RAB8A: variants seen among roughly 807,000 people sequenced by gnomAD.
RAB8A encodes ras-related protein Rab-8A.
Under a neutral mutation model 29.2 loss-of-function variants are expected in RAB8A, and 5 were observed. The ratio of observed to expected loss-of-function variants is 0.17; its 90% CI spans 0.09 to 0.36. The LOEUF (loss-of-function observed/expected upper bound fraction) is 0.36. Among genes scored for constraint, RAB8A ranks in the 10% least tolerant of loss-of-function variants. The pLI is 1.00. For missense variants in RAB8A, 171 were observed against 272.2 expected, an observed-to-expected ratio of 0.63 and a Z score of 2.62; for synonymous variants, 108 against 99.9, an observed-to-expected ratio of 1.08 and a Z score of -0.49.
chr19:16,112,384 C>T (rs2090828518), intron 1 of RAB8A: 1 of 249,574 alleles, frequency 4.0e-6, no homozygotes, highest in African/African-American at 2.3e-5. Flanking sequence ...GAAACTGAGT[C>T]ATGGGGAATT....
At chr19:16,116,633 G>A (rs1016222367) in intron 1 of RAB8A, among the ~76,000 whole-genome samples, 30 of 152,124 alleles carry the variant, frequency 2.0e-4, no homozygotes, top group African/African-American at 7.0e-4. Flanking sequence ...TCAAGAGATC[G>A]AGAACAGCCT....
chr19:16,125,009 T>TAA lies in RAB8A; in HGVS notation c.247-461_247-460insAA. The TAA allele has an allele frequency of 1.1e-5, 2 of 179,680 alleles. No individual in the cohort carries two copies. The highest frequency in any genetic ancestry group is 2.4e-5 in the Non-Finnish European group (2 of 84,100). The allele number at this position is 179,680 out of a possible 1,614,324, so 11.1% of individuals were successfully genotyped here. A position where few individuals can be genotyped will look rare whatever the true frequency, so the allele number is the denominator to read the frequency against. The stretch of plus-strand genomic sequence containing the variant: ...GATGTCGGGTCAGGACTTCCTGGGC[T>TAA]CAGTTGTGCCTGGTAGGTGGCTCAG... On this transcript the variant is annotated intron_variant, in intron 3 of 7. Transcript: ENST00000300935. The surrounding 1 kb of genome is among the most constrained non-coding windows in gnomAD (Gnocchi z 5.0).
chr19:16,118,606 C>A (rs1246433701), intron 2 of RAB8A, among the ~76,000 whole-genome samples: 1 of 152,192 alleles, frequency 6.6e-6, no homozygotes, highest in Non-Finnish European at 1.5e-5. Context: ...GGAAGAGAGC[C>A]CTCTCAGTGC....
Position 16,125,346 on chromosome 19 carries a change from G to A in RAB8A, c.247-124G>A, listed in dbSNP as rs76512519. ...GGGCTCCACAGAGGTGGGGAGGGCG[G>A]CAGCTAATGGGCCTGGCTGTGCAGT... On this transcript the variant is annotated intron_variant, in intron 3 of 7. Transcript: ENST00000300935. The surrounding 1 kb of genome is among the most constrained non-coding windows in gnomAD (Gnocchi z 5.0). 3,776 of 781,666 alleles carry A rather than the reference G, an allele frequency of 4.8e-3. 110 individuals carry two copies. The African/African-American group carries it at 0.058, about 12-fold the overall frequency. 48.4% of individuals were successfully genotyped at this position (781,666 alleles called of 1,614,324 possible).
chr19:16,115,507 C>T (rs957221822), intron 1 of RAB8A, among the ~76,000 whole-genome samples: 7 of 152,156 alleles, frequency 4.6e-5, no homozygotes, highest in Admixed American at 3.3e-4. Flanking sequence ...CCTGGCTCGG[C>T]GCCACTGCCT....
At position 16,129,610 on chromosome 19, in the gene RAB8A, T is replaced by C; in HGVS notation, c.531+6T>C. 6.2e-7 allele frequency: 1 copy of C among 1,613,560 alleles called. No homozygotes were observed. The highest frequency in any genetic ancestry group is 8.5e-7 in the Non-Finnish European group (1 of 1,179,800). On this transcript the variant is annotated splice_donor_region_variant and intron_variant, in intron 7 of 7. Transcript: ENST00000300935. ...CAAAAATGGACAAAAAATTGGTGAG[T>C]GTGTGTCCTTCCGAGATCCCCGGGT...
At chr19:16,131,852 A>ATGGT (rs72439769) in intron 7 of RAB8A, among the ~76,000 whole-genome samples, 150 of 142,518 alleles carry the variant, frequency 1.1e-3, no homozygotes, top group African/African-American at 2.6e-3. Flanking sequence ...GTATAGATGG[A>ATGGT]TGGTTGGTTG....
chr19:16,128,270 C>T (rs991014466), intron 6 of RAB8A, among the ~76,000 whole-genome samples, 179 bp downstream of exon 6: 2 of 152,336 alleles, frequency 1.3e-5, no homozygotes, highest in African/African-American at 2.4e-5. Flanking sequence ...GCACAGGCAG[C>T]CCCTGGGAAT....
intron 4 of RAB8A, chr19:16,126,340 A>T (rs1178948099): frequency 6.5e-6 from 1 of 152,858 alleles, no homozygotes; most frequent in Non-Finnish European, 1.5e-5. Flanking sequence ...GCTGCACCCC[A>T]GCTGGGAAAG....
At chr19:16,131,018 T>G (rs767792677) in intron 7 of RAB8A, among the ~76,000 whole-genome samples, 6 of 152,150 alleles carry the variant, frequency 3.9e-5, no homozygotes, top group Non-Finnish European at 8.8e-5. Flanking sequence ...GAGACGAGGC[T>G]TCACCATGTT....
At chr19:16,116,686 T>C (rs1168397644) in intron 1 of RAB8A, among the ~76,000 whole-genome samples, 1 of 151,876 alleles carries the variant, frequency 6.6e-6, no homozygotes, top group Non-Finnish European at 1.5e-5. Context: ...AATAGAAAAA[T>C]TAGCTGGGCA....
At chr19:16,114,953 T>G (rs1034365651) in intron 1 of RAB8A, among the ~76,000 whole-genome samples, 1 of 152,160 alleles carries the variant, frequency 6.6e-6, no homozygotes, top group Non-Finnish European at 1.5e-5. Flanking sequence ...GGCATGTTAA[T>G]AAAACCCAGA....
Position 16,125,654 on chromosome 19 carries a change from GC to G in RAB8A, c.324+110del. ...GTGCAGAGACACATACAGGCCACTT[GC>G]CCACAGCCTCCTAGTCAGGGACATG... is the stretch of plus-strand genomic sequence containing the variant. On this transcript the variant is annotated intron_variant, in intron 4 of 7. Transcript: ENST00000300935. The surrounding 1 kb of genome is among the most constrained non-coding windows in gnomAD (Gnocchi z 5.0). The G allele has an allele frequency of 1.9e-6, 2 of 1,044,936 alleles. No individual in the cohort carries two copies. Among genetic ancestry groups the G allele is most frequent in the Non-Finnish European group, 2.9e-6 (2 of 686,018 alleles). 64.7% of individuals were successfully genotyped at this position (1,044,936 alleles called of 1,614,324 possible). A position where few individuals can be genotyped will look rare whatever the true frequency, so the allele number is the denominator to read the frequency against.
chr19:16,114,029 G>A (rs1421455860), intron 1 of RAB8A, among the ~76,000 whole-genome samples: 1 of 151,990 alleles, frequency 6.6e-6, no homozygotes, highest in African/African-American at 2.4e-5. Flanking sequence ...TAAACTTTAG[G>A]GTAATTCTTG....
intron 2 of RAB8A, among the ~76,000 whole-genome samples, chr19:16,118,751 C>T (rs2090858485): frequency 6.6e-6 from 1 of 152,204 alleles, no homozygotes. Context: ...CCTGGCCTCC[C>T]TTCCTAGCGT....
At chr19:16,128,955 T>C (rs1324976158) in intron 6 of RAB8A, among the ~76,000 whole-genome samples, 1 of 152,188 alleles carries the variant, frequency 6.6e-6, no homozygotes, top group Non-Finnish European at 1.5e-5. Context: ...GCCATCTCTG[T>C]ATGTCCCCTC....
chr19:16,128,223 CT>C, intron 6 of RAB8A, 132 bp downstream of exon 6: 1 of 927,710 alleles, frequency 1.1e-6, no homozygotes, highest in Non-Finnish European at 1.7e-6. Flanking sequence ...CCAGTCAGTC[CT>C]CTGAGGGACA....
chr19:16,121,193 A>T (rs773650436), intron 2 of RAB8A, among the ~76,000 whole-genome samples: 2 of 152,180 alleles, frequency 1.3e-5, no homozygotes, highest in Non-Finnish European at 2.9e-5. Flanking sequence ...CTAGGATTAC[A>T]GATGTGAGCC....
Position 16,125,013 on chromosome 19 carries a change from T to A in RAB8A, c.247-457T>A. The A allele has an allele frequency of 9.7e-5, 19 of 196,848 alleles. No individual in the cohort carries two copies. The highest frequency in any genetic ancestry group is 5.4e-4 in the South Asian group (6 of 11,098). The allele number at this position is 196,848 out of a possible 1,614,324, so 12.2% of individuals were successfully genotyped here. On this transcript the variant is annotated intron_variant, in intron 3 of 7. Transcript: ENST00000300935. This position sits in a 1 kb window ranked among gnomAD's most constrained non-coding sequence, Gnocchi z 5.0. ...TCGGGTCAGGACTTCCTGGGCTCAG[T>A]TGTGCCTGGTAGGTGGCTCAGGCAG...
Sources: allele counts gnomAD v4.1 joint callset (sites outside exome capture counted in the v4.1 genomes callset), GRCh38; gene constraint gnomAD v4.1.1; non-coding constraint Gnocchi (gnomAD v3.1); transcripts MANE v1.5; gene names NCBI Gene and HGNC (gene_info 2026-07-23, HGNC 2026-07-21).